Variants in DNAH2 observed in about 807,000 individuals in gnomAD.
The protein encoded by DNAH2 is dynein axonemal heavy chain 2.
A neutral mutation model predicts 523.5 loss-of-function variants in DNAH2; 323 were observed. The observed-to-expected ratio is 0.62, with a 90% CI of 0.56 to 0.68. The LOEUF is 0.68. DNAH2 is among the 30% of genes least tolerant of loss of function. The pLI, the probability that DNAH2 is intolerant of heterozygous loss-of-function variation, is 0.00. For missense variants in DNAH2, 4,907 were observed against 5,701.5 expected, an observed-to-expected ratio of 0.86 and a Z score of 4.49; for synonymous variants, 2,093 against 2,177.4, an observed-to-expected ratio of 0.96 and a Z score of 1.08.
chr17:7,788,322 T>A, intron 44 of DNAH2, 78 bp downstream of exon 44: 1 of 1,460,668 alleles, frequency 6.8e-7, no homozygotes, highest in Non-Finnish European at 9.1e-7. Flanking sequence ...GGAAACGGCG[T>A]GTCTGAGACA....
intron 12 of DNAH2, among the ~76,000 whole-genome samples, chr17:7,755,336 TCCAGC>T (rs2075806946): frequency 1.2e-3 from 3 of 2,406 alleles, no homozygotes; most frequent in Non-Finnish European, 0.013. Context: ...TGTGACCTTC[TCCAGC>T]CTTTCCCACA....
chr17:7,725,472 AC>A (rs552712335), intron 3 of DNAH2, among the ~76,000 whole-genome samples: 129 of 114,508 alleles, frequency 1.1e-3, no homozygotes, highest in African/African-American at 4.1e-3. Flanking sequence ...TTGCTCTGTT[AC>A]CCAGGTTGGA....
At chr17:7,791,391 T>A (rs11658635) in intron 44 of DNAH2, among the ~76,000 whole-genome samples, 82,280 of 152,032 alleles carry the variant, frequency 0.54, 23,829 homozygotes, top group Admixed American at 0.63. Context: ...TATTTTTTTT[T>A]AAAACTATAT....
At position 7,797,480 on chromosome 17, in the gene DNAH2, T is replaced by A; in HGVS notation, c.8030T>A (p.Phe2677Tyr). The A allele has an allele frequency of 6.2e-7, 1 of 1,614,198 alleles. No individual in the cohort carries two copies. ...GIISDKLGSFFDLTFHHLCPS... is the reference protein window; with the variant it reads ...GIISDKLGSFYDLTFHHLCPS... ...ATAAGCGACAAGCTCGGCTCCTTCT[T>A]TGACCTCACATTTCATCATCTCTGT... is the stretch of plus-strand genomic sequence containing the variant. Residue 2677 changes from phenylalanine to tyrosine, a missense_variant, in exon 52 of 86, where the codon TTT becomes TAT. Phe to Tyr is a conservative substitution (Grantham distance 22). Transcript: ENST00000572933.
In DNAH2 at chr17:7,833,198, A is replaced by G. The variant is rs2078238453; in HGVS notation, c.13106A>G (p.Glu4369Gly). The G allele has an allele frequency of 1.2e-6, 2 of 1,607,652 alleles. No homozygotes were observed. Among genetic ancestry groups the G allele is most frequent in the Non-Finnish European group, 1.7e-6 (2 of 1,179,976 alleles). ...CCCACGATCCACTTCCGGCCTGCAG[A>G]GAGCCGCAAGAAGAGCGCCAAGGGT... ...LMPTIHFRPA[E>G]SRKKSAKGMY... is the part of the protein sequence containing the mutation. Residue 4369 changes from glutamate to glycine, a missense_variant, in exon 85 of 86, where the codon GAG becomes GGG. Physicochemically the swap from Glu to Gly is moderately conservative, Grantham distance 98 (BLOSUM62 -2). Transcript: ENST00000572933.
At chr17:7,742,876 C>T in intron 11 of DNAH2, 52 bp from the exon 12 acceptor site, 1 of 1,246,876 alleles carries the variant, frequency 8.0e-7, no homozygotes, top group Non-Finnish European at 1.0e-6. Context: ...GATGGTGGCC[C>T]CTGGAGGAAG....
chr17:7,823,385 C>A, intron 73 of DNAH2, 57 bp from the exon 74 acceptor site: 1 of 1,493,272 alleles, frequency 6.7e-7, no homozygotes. Context: ...AAAAAGATCA[C>A]TCTTCTTTTG....
At chr17:7,791,213 A>G (rs2076887414) in intron 44 of DNAH2, among the ~76,000 whole-genome samples, 1 of 151,918 alleles carries the variant, frequency 6.6e-6, no homozygotes, top group Admixed American at 6.6e-5. Flanking sequence ...AGCTGGGATT[A>G]ACAGGCACCA....
At chr17:7,751,979 G>A (rs893825185) in intron 12 of DNAH2, among the ~76,000 whole-genome samples, 14 of 144,532 alleles carry the variant, frequency 9.7e-5, no homozygotes, top group Non-Finnish European at 2.1e-4. Flanking sequence ...GTTCTGTCAT[G>A]CAGGCTGGAG....
chr17:7,819,136 C>A (rs1333267004), intron 71 of DNAH2, 73 bp downstream of exon 71: 4 of 1,603,604 alleles, frequency 2.5e-6, no homozygotes, highest in African/African-American at 2.7e-5. Context: ...CGGCTCGAGA[C>A]CCCTCCTTCC....
At chr17:7,816,531 G>A (rs570443189) in intron 63 of DNAH2, 40 bp from the exon 64 acceptor site, 11 of 1,608,970 alleles carry the variant, frequency 6.8e-6, no homozygotes, top group African/African-American at 2.7e-5. Context: ...ATCTGGCTGC[G>A]AGCCCTGTGT....
intron 13 of DNAH2, among the ~76,000 whole-genome samples, chr17:7,758,227 G>C (rs962575092): frequency 6.6e-6 from 1 of 152,230 alleles, no homozygotes; most frequent in East Asian, 1.9e-4. Context: ...GTGATGAGTG[G>C]GTGCTATATT....
At position 7,798,467 on chromosome 17, in the gene DNAH2, G is replaced by A; in HGVS notation, c.8399-91G>A. The A allele has an allele frequency of 1.9e-6, 3 of 1,559,908 alleles. No individual in the cohort carries two copies. The highest frequency in any genetic ancestry group is 1.7e-6 in the Non-Finnish European group (2 of 1,154,558). On this transcript the variant is annotated intron_variant, in intron 54 of 85. Coordinates refer to ENST00000572933, the MANE Select transcript of DNAH2 (RefSeq NM_020877.5). The surrounding 1 kb of genome is among the most constrained non-coding windows in gnomAD (Gnocchi z 5.5). ...AGGATGGTGTCGCGTGTATGCTGCG[G>A]GGCGGGGAGGGTTCCTAAATCTCAG...
chr17:7,727,433 C>A, intron 4 of DNAH2, 141 bp downstream of exon 4: 1 of 1,157,608 alleles, frequency 8.6e-7, no homozygotes, highest in Non-Finnish European at 1.2e-6. Flanking sequence ...TACTTGGTGG[C>A]AAGGATAGGA....
intron 77 of DNAH2, among the ~76,000 whole-genome samples, chr17:7,830,026 CAAAAAAA>C (rs546222498): frequency 1.8e-5 from 1 of 55,250 alleles, no homozygotes; most frequent in Non-Finnish European, 3.9e-5. Context: ...AACTCCGTCT[CAAAAAAA>C]AAAAAAAAAA....
At chr17:7,805,153 C>T in intron 60 of DNAH2, 79 bp downstream of exon 60, 1 of 1,597,054 alleles carries the variant, frequency 6.3e-7, no homozygotes, top group Non-Finnish European at 8.6e-7. Flanking sequence ...TCTTTGTCCT[C>T]AAAGACTCTG....
intron 3 of DNAH2, among the ~76,000 whole-genome samples, chr17:7,725,043 CAT>C (rs899177496): frequency 6.7e-6 from 1 of 149,992 alleles, no homozygotes; most frequent in African/African-American, 2.5e-5. Flanking sequence ...GTGCCTAGCC[CAT>C]ATGTTATGAT....
In DNAH2 at chr17:7,798,955, G is replaced by A; in HGVS notation, c.8560-148G>A. ...AGCTTGTAGTTCCAGCTACTCGGGG[G>A]TGGGGGGTGCTGAAGTGGGAGGATG... On this transcript the variant is annotated intron_variant, in intron 55 of 85. Transcript: ENST00000572933. The surrounding 1 kb of genome is among the most constrained non-coding windows in gnomAD (Gnocchi z 5.5). 8.2e-7 allele frequency: 1 copy of A among 1,220,190 alleles called. No homozygotes were observed. Among genetic ancestry groups the A allele is most frequent in the Non-Finnish European group, 1.1e-6 (1 of 883,084 alleles). The allele number at this position is 1,220,190 out of a possible 1,614,324, so 75.6% of individuals were successfully genotyped here.
In DNAH2 at chr17:7,787,020, C is replaced by T. The variant is rs752663981; in HGVS notation, c.6590C>T (p.Ala2197Val). 35 of 1,613,970 alleles carry T rather than the reference C, an allele frequency of 2.2e-5. No individual in the cohort carries two copies. In the Admixed American group the frequency reaches 3.3e-4, roughly 15 times the overall value. The change falls in exon 42 of 86, where the codon GCG becomes GTG. Residue 2197 changes from alanine to valine, a missense_variant. Physicochemically the swap from Ala to Val is moderately conservative, Grantham distance 64. This residue lies in a region of DNAH2 where 2,806 missense variants were observed against 3,190.8 expected (regional missense o/e 0.88). Coordinates refer to ENST00000572933, the MANE Select transcript of DNAH2 (RefSeq NM_020877.5). ...ACCCTCATCAACGGCGAGCGCATCG[C>T]GATGCCCGAGCAGGTCAGGGACGCG... ...VLTLINGERIAMPEQVSLLFE... is the reference protein window; with the variant it reads ...VLTLINGERIVMPEQVSLLFE...
Sources: gnomAD v4.1 joint callset for allele counts (sites outside exome capture counted in the v4.1 genomes callset) on GRCh38, gnomAD v4.1.1 for gene constraint, gnomAD v4.1.1 regional missense constraint, Gnocchi (gnomAD v3.1) non-coding constraint, MANE v1.5 for transcripts, NCBI Gene and HGNC (gene_info 2026-07-23, HGNC 2026-07-21) for gene names.